MYO5B: variants seen among roughly 807,000 people sequenced by gnomAD.
The protein encoded by MYO5B is myosin VB.
MYO5B carries 143 observed loss-of-function variants against 229.3 expected under a neutral mutation model. The ratio of observed to expected loss-of-function variants is 0.62; its 90% CI spans 0.54 to 0.72. MYO5B has a LOEUF of 0.72. Among genes scored for constraint, MYO5B ranks in the 30% least tolerant of loss-of-function variants. MYO5B has a pLI of 0.00. For synonymous variants in MYO5B, 918 were observed against 885.2 expected (o/e 1.04, Z -0.66); for missense variants, 2,321 against 2,331.0 (o/e 1.00, Z 0.09).
At chr18:49,893,015 A>T (rs2024733154) in intron 22 of MYO5B, among the ~76,000 whole-genome samples, 1 of 152,178 alleles carries the variant, frequency 6.6e-6, no homozygotes, top group Non-Finnish European at 1.5e-5. Flanking sequence ...TTTCTTAAGG[A>T]GAGGAGGAGG....
At chr18:50,179,666 A>G (rs1463255915) in intron 1 of MYO5B, among the ~76,000 whole-genome samples, 1 of 152,202 alleles carries the variant, frequency 6.6e-6, no homozygotes, top group Admixed American at 6.5e-5. Context: ...ACAGAAGGCA[A>G]TGCACCCCTG....
intron 22 of MYO5B, among the ~76,000 whole-genome samples, chr18:49,882,624 C>A (rs1297692003): frequency 6.1e-5 from 1 of 16,470 alleles, no homozygotes; most frequent in Non-Finnish European, 1.2e-4. Flanking sequence ...AAGAAATCAT[C>A]TCAAAAAAAA....
rs186698069 is a variant in MYO5B, at chr18:49,978,425, A to G, written c.1056+2019T>C. The stretch of plus-strand genomic sequence containing the variant: ...TTAATTTTGCTGGTCTCGCCCCCCA[A>G]TGCAGGTAGGTGTCCACGGACTCCC... On this transcript the variant is annotated intron_variant, in intron 9 of 39. Coordinates refer to ENST00000285039, the MANE Select transcript of MYO5B (RefSeq NM_001080467.3). 3.1e-3 allele frequency among the ~76,000 whole-genome samples: 467 copies of G among 152,008 alleles called. 3 individuals carry two copies. The highest frequency in any genetic ancestry group is 5.4e-3 in the Non-Finnish European group (366 of 67,976).
intron 22 of MYO5B, among the ~76,000 whole-genome samples, chr18:49,886,883 A>G (rs939085595): frequency 1.3e-5 from 2 of 152,176 alleles, no homozygotes; most frequent in Non-Finnish European, 2.9e-5. Flanking sequence ...ACACCTCTAT[A>G]CCAGGAGCCT....
intron 5 of MYO5B, among the ~76,000 whole-genome samples, chr18:49,995,460 C>T (rs186521710): frequency 4.5e-4 from 69 of 151,782 alleles, no homozygotes; most frequent in African/African-American, 1.4e-3. Flanking sequence ...AGGGTTTCAC[C>T]GTGTTAGCCA....
Position 49,849,646 on chromosome 18 carries a change from C to G in MYO5B, c.4236G>C (p.Leu1412=). 3 of 1,613,704 alleles carry G rather than the reference C, an allele frequency of 1.9e-6. No homozygotes were observed. Among genetic ancestry groups the G allele is most frequent in the Non-Finnish European group, 2.5e-6 (3 of 1,179,722 alleles). Residue 1412 remains leucine (L), a synonymous_variant, in exon 32 of 40, where the codon CTG becomes CTC. Coordinates refer to ENST00000285039, the MANE Select transcript of MYO5B (RefSeq NM_001080467.3). ...LTNENLDLKE[L]VEKLEKNERK... is the part of the protein sequence containing the mutation. The stretch of plus-strand genomic sequence containing the variant: ...TCTCATTCTTTTCCAGCTTTTCTAC[C>G]AGTTCTTTAAGGTCCTGGAAGCAGA...
At chr18:50,193,990 T>C (rs2033263528) in intron 1 of MYO5B, among the ~76,000 whole-genome samples, 2 of 152,164 alleles carry the variant, frequency 1.3e-5, no homozygotes, top group Admixed American at 6.5e-5. Context: ...CCTTCTGACC[T>C]TGAAGGCATC....
In MYO5B at chr18:50,195,009, C is replaced by A. The variant is rs1440269585; in HGVS notation, c.-216G>T. On this transcript the variant is annotated 5_prime_UTR_variant, in exon 1 of 40. Transcript: ENST00000285039. ...TCCCGCCGCGGCGGCGCAGCTACGGCCGGACAGGAGTTGCGAGCGCCGGGG... is the reference window on the plus strand; with the variant it reads ...TCCCGCCGCGGCGGCGCAGCTACGGACGGACAGGAGTTGCGAGCGCCGGGG... 4 of 565,800 alleles carry A rather than the reference C, an allele frequency of 7.1e-6. No homozygotes were observed. The highest frequency in any genetic ancestry group is 1.0e-5 in the Non-Finnish European group (4 of 390,936). The allele number at this position is 565,800 out of a possible 1,614,324, so 35.0% of individuals were successfully genotyped here.
At chr18:49,924,266 G>A (rs2025105954) in intron 17 of MYO5B, among the ~76,000 whole-genome samples, 2 of 152,156 alleles carry the variant, frequency 1.3e-5, no homozygotes, top group African/African-American at 4.8e-5. Context: ...ATCCCAATAA[G>A]TAATAAATAT....
intron 8 of MYO5B, among the ~76,000 whole-genome samples, chr18:49,984,073 A>G (rs1397943006): frequency 2.0e-5 from 3 of 152,134 alleles, no homozygotes; most frequent in Non-Finnish European, 2.9e-5. Flanking sequence ...CCAGGAATTT[A>G]ACACTTCAAT....
intron 1 of MYO5B, among the ~76,000 whole-genome samples, chr18:50,181,257 G>A (rs2033069668): frequency 6.6e-6 from 1 of 152,166 alleles, no homozygotes; most frequent in Admixed American, 6.5e-5. Context: ...ATAAAATTCT[G>A]TCTTTAAATT....
At chr18:50,059,900 C>T (rs556686254) in intron 1 of MYO5B, among the ~76,000 whole-genome samples, 6 of 152,204 alleles carry the variant, frequency 3.9e-5, no homozygotes, top group African/African-American at 1.4e-4. Context: ...CTTCTGTAAT[C>T]AAGTACAAAG....
chr18:49,956,541 T>C (rs2025494328), intron 12 of MYO5B, among the ~76,000 whole-genome samples: 1 of 152,158 alleles, frequency 6.6e-6, no homozygotes, highest in African/African-American at 2.4e-5. Flanking sequence ...CAAAAATCTT[T>C]CCATAGAAAT....
At chr18:50,166,669 C>G (rs911657243) in intron 1 of MYO5B, among the ~76,000 whole-genome samples, 2 of 152,100 alleles carry the variant, frequency 1.3e-5, no homozygotes, top group African/African-American at 4.8e-5. Context: ...CTCCCCACCC[C>G]CCGCCTACCA....
chr18:50,043,654 T>C, intron 2 of MYO5B, among the ~76,000 whole-genome samples: 1 of 137,856 alleles, frequency 7.3e-6, no homozygotes, highest in African/African-American at 2.7e-5. Flanking sequence ...TTTATAAATA[T>C]GTAAATATAT....
intron 1 of MYO5B, among the ~76,000 whole-genome samples, chr18:50,118,749 T>C (rs2032010006): frequency 6.6e-6 from 1 of 151,792 alleles, no homozygotes. Context: ...CTCAGCCTCC[T>C]GAGTAGCTGG....
intron 19 of MYO5B, 75 bp from the exon 20 acceptor site, chr18:49,904,903 C>A: frequency 6.4e-7 from 1 of 1,553,248 alleles, no homozygotes; most frequent in Non-Finnish European, 8.7e-7. Flanking sequence ...CCTGAGACAT[C>A]TGCAAATGCA....
intron 9 of MYO5B, among the ~76,000 whole-genome samples, chr18:49,978,883 T>C (rs1478963812): frequency 1.3e-5 from 2 of 152,232 alleles, no homozygotes; most frequent in Middle Eastern, 3.4e-3. Flanking sequence ...TTCCTGCCTC[T>C]TACCAGCCTC....
intron 2 of MYO5B, among the ~76,000 whole-genome samples, chr18:50,048,274 G>C (rs1210637406): frequency 6.6e-6 from 1 of 152,088 alleles, no homozygotes; most frequent in Non-Finnish European, 1.5e-5. Context: ...CACAGCACAG[G>C]CACTCAATTA....
Sources: gnomAD v4.1 joint callset for allele counts (sites outside exome capture counted in the v4.1 genomes callset) on GRCh38, gnomAD v4.1.1 for gene constraint, MANE v1.5 for transcripts, NCBI Gene and HGNC (gene_info 2026-07-23, HGNC 2026-07-21) for gene names.